The following FHOD3 variants were observed in gnomAD, a reference collection of about 807,000 sequenced individuals.
The protein encoded by FHOD3 is FH1/FH2 domain-containing protein 3.
A neutral mutation model predicts 173.0 loss-of-function variants in FHOD3; 90 were observed. The observed-to-expected ratio is 0.52, with a 90% CI of 0.44 to 0.62. FHOD3 has a LOEUF of 0.62. Among genes scored for constraint, FHOD3 ranks in the 20% least tolerant of loss-of-function variants. FHOD3 has a pLI of 0.00. For missense variants in FHOD3, 1,945 were observed against 2,034.7 expected, an observed-to-expected ratio of 0.96 and a Z score of 0.85; for synonymous variants, 828 against 823.0, an observed-to-expected ratio of 1.01 and a Z score of -0.10.
chr18:36,558,758 A>G (rs1286141771), intron 5 of FHOD3, among the ~76,000 whole-genome samples: 1 of 152,218 alleles, frequency 6.6e-6, no homozygotes, highest in Non-Finnish European at 1.5e-5. Context: ...CAACATTTAA[A>G]ACACTAATAC....
chr18:36,504,347 G>T (rs1353013614), intron 4 of FHOD3, among the ~76,000 whole-genome samples: 1 of 152,084 alleles, frequency 6.6e-6, no homozygotes, highest in Non-Finnish European at 1.5e-5. Flanking sequence ...ACCCTAATTA[G>T]GGTCCCTCCG....
intron 3 of FHOD3, among the ~76,000 whole-genome samples, chr18:36,487,692 T>C (rs1042947308): frequency 2.0e-5 from 3 of 152,248 alleles, no homozygotes; most frequent in African/African-American, 7.2e-5. Flanking sequence ...AGTGAGGTTC[T>C]CAAATGTGTT....
intron 8 of FHOD3, among the ~76,000 whole-genome samples, chr18:36,609,976 T>G (rs777204461): frequency 6.6e-6 from 1 of 152,196 alleles, no homozygotes; most frequent in Admixed American, 6.5e-5. Flanking sequence ...CCTTTATGGT[T>G]GGACTTGCTA....
rs185917230 is a variant in FHOD3 at position 36,773,416 on chromosome 18, A to G, written c.4786+3990A>G. ...CAGGGAGGTGCCATGCACCTGACCGAAGGATGTTTCCGTCTTTCATCATTT... is the reference window on the plus strand; with the variant it reads ...CAGGGAGGTGCCATGCACCTGACCGGAGGATGTTTCCGTCTTTCATCATTT... On this transcript the variant is annotated intron_variant, in intron 28 of 28. Transcript: ENST00000590592. Among the ~76,000 whole-genome samples the G allele has an allele frequency of 1.5e-3, 228 of 152,322 alleles. 1 individual carries two copies. The highest frequency in any genetic ancestry group is 2.8e-3 in the Non-Finnish European group (191 of 68,030).
chr18:36,475,751 T>TACAC (rs58982535), intron 3 of FHOD3, among the ~76,000 whole-genome samples: 2,000 of 143,024 alleles, frequency 0.014, 46 homozygotes, highest in Admixed American at 0.064. Context: ...TATAGAAACA[T>TACAC]ACACACACAC....
chr18:36,755,359 A>G (rs2042582304), intron 25 of FHOD3, 48 bp downstream of exon 25: 4 of 1,309,182 alleles, frequency 3.1e-6, no homozygotes, highest in Non-Finnish European at 4.0e-6. Flanking sequence ...TTTCAAAGTA[A>G]GATCAGTCAG....
At chr18:36,529,288 C>G (rs2056673720) in intron 5 of FHOD3, among the ~76,000 whole-genome samples, 1 of 152,146 alleles carries the variant, frequency 6.6e-6, no homozygotes, top group African/African-American at 2.4e-5. Context: ...GTGATTTTGT[C>G]TGATGCTCTT....
chr18:36,654,771 G>A (rs2036297250), intron 13 of FHOD3, among the ~76,000 whole-genome samples: 2 of 152,164 alleles, frequency 1.3e-5, no homozygotes, highest in African/African-American at 2.4e-5. Flanking sequence ...TCCCTCAGGA[G>A]TGATATTTTC....
intron 5 of FHOD3, among the ~76,000 whole-genome samples, chr18:36,550,189 A>G (rs2057588133): frequency 6.7e-6 from 1 of 148,904 alleles, no homozygotes; most frequent in Non-Finnish European, 1.5e-5. Context: ...GTGTGTTTGT[A>G]TATATATGTA....
chr18:36,318,123 A>G (rs756559086), intron 1 of FHOD3, among the ~76,000 whole-genome samples: 44 of 147,816 alleles, frequency 3.0e-4, no homozygotes, highest in Non-Finnish European at 5.9e-4. Context: ...TTTGGTTACT[A>G]TAGCCTTGTA....
intron 1 of FHOD3, 93 bp downstream of exon 1, chr18:36,298,093 G>A: frequency 8.5e-7 from 1 of 1,174,984 alleles, no homozygotes. Context: ...GGGCCCCCTG[G>A]GCTGGGCTGG....
chr18:36,600,938 A>G (rs1428705088), intron 7 of FHOD3, among the ~76,000 whole-genome samples: 1 of 152,202 alleles, frequency 6.6e-6, no homozygotes, highest in Admixed American at 6.5e-5. Context: ...CCAAGGTTTT[A>G]TACAAAATGT....
chr18:36,550,465 T>G (rs2057605695), intron 5 of FHOD3, among the ~76,000 whole-genome samples: 1 of 151,960 alleles, frequency 6.6e-6, no homozygotes, highest in East Asian at 1.9e-4. Flanking sequence ...TTTTTTTCTG[T>G]AAATTTCTAG....
intron 3 of FHOD3, among the ~76,000 whole-genome samples, chr18:36,478,424 C>A (rs2053705007): frequency 6.6e-6 from 1 of 152,272 alleles, no homozygotes; most frequent in African/African-American, 2.4e-5. Context: ...ACAATCCAAT[C>A]ATACTCTTCT....
chr18:36,323,768 C>T (rs1308307707), intron 1 of FHOD3, among the ~76,000 whole-genome samples: 1 of 152,228 alleles, frequency 6.6e-6, no homozygotes, highest in Admixed American at 6.5e-5. Flanking sequence ...AGACCATCCT[C>T]GACTACTTCA....
At chr18:36,327,843 C>G (rs1161693478) in intron 1 of FHOD3, among the ~76,000 whole-genome samples, 1 of 152,198 alleles carries the variant, frequency 6.6e-6, no homozygotes, top group African/African-American at 2.4e-5. Context: ...GTGGCAATGA[C>G]TCAACTCTGC....
At chr18:36,708,391 T>C (rs2149665116) in intron 17 of FHOD3, among the ~76,000 whole-genome samples, 1 of 152,370 alleles carries the variant, frequency 6.6e-6, no homozygotes, top group Non-Finnish European at 1.5e-5. Context: ...TTTGTTTCTC[T>C]TTCCCTAAAC....
intron 14 of FHOD3, among the ~76,000 whole-genome samples, chr18:36,670,125 A>C (rs530032744): frequency 3.9e-5 from 6 of 152,042 alleles, no homozygotes; most frequent in Admixed American, 2.6e-4. Context: ...ATACCTCTGC[A>C]TGTAACATAT....
At chr18:36,520,834 C>G (rs920681089) in intron 5 of FHOD3, among the ~76,000 whole-genome samples, 1 of 152,228 alleles carries the variant, frequency 6.6e-6, no homozygotes, top group Non-Finnish European at 1.5e-5. Flanking sequence ...CCAAATCTCA[C>G]TTCTGTGTTC....
Sources: gnomAD v4.1 joint callset for allele counts (sites outside exome capture counted in the v4.1 genomes callset) on GRCh38, gnomAD v4.1.1 for gene constraint, MANE v1.5 for transcripts, NCBI Gene and HGNC (gene_info 2026-07-23, HGNC 2026-07-21) for gene names.